Variants in EYS observed in about 807,000 individuals in gnomAD.
EYS encodes the protein EGF-like photoreceptor maintenance factor, also known as protein eyes shut homolog.
EYS carries 250 observed loss-of-function variants against 282.1 expected under a neutral mutation model. The ratio of observed to expected loss-of-function variants is 0.89; its 90% CI spans 0.80 to 0.98. EYS has a LOEUF of 0.98. Among genes scored for constraint, EYS ranks in the 50% least tolerant of loss-of-function variants. EYS has a pLI of 0.00. For missense variants in EYS, 4,016 were observed against 3,709.0 expected, an observed-to-expected ratio of 1.08 and a Z score of -2.15; for synonymous variants, 1,355 against 1,282.9, an observed-to-expected ratio of 1.06 and a Z score of -1.20.
chr6:65,514,649 A>G (rs150421351), intron 2 of EYS, among the ~76,000 whole-genome samples: 5,239 of 152,322 alleles, frequency 0.034, 137 homozygotes, highest in Non-Finnish European at 0.054. Context: ...ATCTACAACT[A>G]TCTGATCTTT....
chr6:64,388,784 AT>A lies in EYS; in HGVS notation c.5983del (p.Ile1995TyrfsTer44). The A allele has an allele frequency of 6.5e-7, 1 of 1,544,382 alleles. No homozygotes were observed. The highest frequency in any genetic ancestry group is 8.7e-7 in the Non-Finnish European group (1 of 1,143,376). On this transcript the variant is annotated frameshift_variant, in exon 29 of 43. Coordinates refer to ENST00000503581, the MANE Select transcript of EYS (RefSeq NM_001142800.2). LOFTEE classifies it high-confidence loss of function. ...ELTILGRNTQ[I>X]CESINHVLGK... ...GAGTACATGATTGATAGATTCGCAT[AT>A]TTGTGTATTCCTCCCTAAAATAGTC...
At chr6:64,451,723 G>A (rs997637183) in intron 26 of EYS, among the ~76,000 whole-genome samples, 2 of 152,076 alleles carry the variant, frequency 1.3e-5, no homozygotes, top group Non-Finnish European at 2.9e-5. Flanking sequence ...ATCAATAAAC[G>A]TAATCCAGCA....
chr6:65,690,031 C>A (rs558849178), intron 1 of EYS, among the ~76,000 whole-genome samples: 1 of 149,878 alleles, frequency 6.7e-6, no homozygotes, highest in South Asian at 2.2e-4. Context: ...GATTTAGGGT[C>A]ATTTCATTAT....
At chr6:65,448,746 C>T (rs1280537487) in intron 5 of EYS, among the ~76,000 whole-genome samples, 1 of 151,794 alleles carries the variant, frequency 6.6e-6, no homozygotes, top group East Asian at 1.9e-4. Context: ...ATCTTTTTAA[C>T]AATTTGGCAA....
At chr6:64,346,240 G>T (rs1193591049) in intron 29 of EYS, among the ~76,000 whole-genome samples, 1 of 152,038 alleles carries the variant, frequency 6.6e-6, no homozygotes, top group Non-Finnish European at 1.5e-5. Context: ...CTGCTATAAA[G>T]ACACATGCAT....
At chr6:64,803,381 G>C (rs563129277) in intron 22 of EYS, among the ~76,000 whole-genome samples, 2 of 151,592 alleles carry the variant, frequency 1.3e-5, no homozygotes, top group Admixed American at 1.3e-4. Context: ...GTGTGTGTGT[G>C]GGGGGGTTGG....
chr6:65,091,571 A>G (rs1193696680), intron 12 of EYS, among the ~76,000 whole-genome samples: 3 of 152,142 alleles, frequency 2.0e-5, no homozygotes, highest in African/African-American at 7.2e-5. Context: ...TGAGCTGAAT[A>G]TAGTAATTAT....
intron 22 of EYS, among the ~76,000 whole-genome samples, chr6:64,719,311 G>T (rs181058354): frequency 2.6e-5 from 4 of 152,180 alleles, no homozygotes; most frequent in African/African-American, 9.6e-5. Context: ...ACGGAGTTCT[G>T]GGATATGTTT....
At chr6:65,282,711 T>TA (rs1768258214) in intron 12 of EYS, among the ~76,000 whole-genome samples, 4 of 152,128 alleles carry the variant, frequency 2.6e-5, no homozygotes, top group Admixed American at 2.6e-4. Flanking sequence ...AATAGCTCAC[T>TA]AATAATGGCT....
chr6:64,568,515 G>A (rs1326475129), intron 26 of EYS, among the ~76,000 whole-genome samples: 1 of 152,164 alleles, frequency 6.6e-6, no homozygotes, highest in African/African-American at 2.4e-5. Context: ...CCATCTCCCT[G>A]GGACAGAGCA....
At chr6:64,317,556 T>C (rs1293566919) in intron 29 of EYS, among the ~76,000 whole-genome samples, 1 of 151,924 alleles carries the variant, frequency 6.6e-6, no homozygotes, top group East Asian at 1.9e-4. Flanking sequence ...TGTGAAAAAA[T>C]AGAAACGCTT....
intron 18 of EYS, among the ~76,000 whole-genome samples, chr6:64,897,787 G>T (rs1169445010): frequency 6.6e-6 from 1 of 152,158 alleles, no homozygotes; most frequent in African/African-American, 2.4e-5. Context: ...GAAAGCCACA[G>T]CACAAGAACT....
At chr6:63,930,179 C>T (rs1358267279) in intron 35 of EYS, among the ~76,000 whole-genome samples, 1 of 152,058 alleles carries the variant, frequency 6.6e-6, no homozygotes, top group East Asian at 1.9e-4. Flanking sequence ...ATTACTTAGC[C>T]TGATGTATTC....
Position 64,045,023 on chromosome 6 carries a change from A to T in EYS, c.6725+21315T>A, listed in dbSNP as rs184545456. ...TGGCATAAAAAGATTGTCTCATTGT[A>T]ATCAATCCAGTGGAAAAGGAAAAGT... On this transcript the variant is annotated intron_variant, in intron 33 of 42. Coordinates refer to ENST00000503581, the MANE Select transcript of EYS (RefSeq NM_001142800.2). Among the ~76,000 whole-genome samples, 6 of 152,306 alleles carry T rather than the reference A, an allele frequency of 3.9e-5. No individual in the cohort carries two copies. The East Asian group carries it at 1.2e-3, about 29-fold the overall frequency.
At chr6:64,931,995 A>G (rs966560401) in intron 15 of EYS, among the ~76,000 whole-genome samples, 1 of 152,160 alleles carries the variant, frequency 6.6e-6, no homozygotes, top group African/African-American at 2.4e-5. Context: ...ACACTCTTCC[A>G]TAAAAGAAAC....
chr6:64,537,532 CAT>C (rs1764559934), intron 26 of EYS, among the ~76,000 whole-genome samples: 1 of 152,112 alleles, frequency 6.6e-6, no homozygotes, highest in Non-Finnish European at 1.5e-5. Context: ...GACAGTAAAA[CAT>C]ATATTTTTAT....
chr6:65,254,738 G>T (rs1316694705), intron 12 of EYS, among the ~76,000 whole-genome samples: 1 of 151,780 alleles, frequency 6.6e-6, no homozygotes, highest in Admixed American at 6.6e-5. Flanking sequence ...GTGCCTTGCG[G>T]AATAATGTTT....
At chr6:64,715,894 T>C (rs1771375378) in intron 22 of EYS, among the ~76,000 whole-genome samples, 1 of 152,200 alleles carries the variant, frequency 6.6e-6, no homozygotes, top group African/African-American at 2.4e-5. Context: ...TCTGTGCCAC[T>C]GAGTTGTGCT....
intron 13 of EYS, among the ~76,000 whole-genome samples, chr6:65,033,788 A>G (rs530667993): frequency 5.0e-4 from 76 of 152,308 alleles, no homozygotes; most frequent in African/African-American, 1.8e-3. Flanking sequence ...GAGCCTTCAC[A>G]CAGAGTCCCA....
Sources: gnomAD v4.1 joint callset for allele counts (sites outside exome capture counted in the v4.1 genomes callset) on GRCh38, gnomAD v4.1.1 for gene constraint, MANE v1.5 for transcripts, NCBI Gene and HGNC (gene_info 2026-07-23, HGNC 2026-07-21) for gene names.